ZNF385D: variants seen among roughly 807,000 people sequenced by gnomAD.
ZNF385D encodes the protein zinc finger protein 659.
ZNF385D carries 15 observed loss-of-function variants against 35.8 expected under a neutral mutation model. The ratio of observed to expected loss-of-function variants is 0.42; its 90% CI spans 0.28 to 0.64. The LOEUF (loss-of-function observed/expected upper bound fraction) is 0.64. Ranked by LOEUF, ZNF385D falls within the 30% of genes least tolerant of loss-of-function variation. The pLI is 0.23. For synonymous variants in ZNF385D, 212 were observed against 186.8 expected (o/e 1.13, Z -1.10); for missense variants, 474 against 494.6 (o/e 0.96, Z 0.39).
At chr3:22,200,112 C>T (rs960846218) in intron 2 of ZNF385D, among the ~76,000 whole-genome samples, 3 of 151,946 alleles carry the variant, frequency 2.0e-5, no homozygotes, top group Non-Finnish European at 4.4e-5. Context: ...GAATCCTTGC[C>T]CTAACCATTA....
At chr3:21,755,763 T>A (rs1379434758), upstream of ZNF385D, among the ~76,000 whole-genome samples, 1 of 152,210 alleles carries the variant, frequency 6.6e-6, no homozygotes, top group Non-Finnish European at 1.5e-5. Flanking sequence ...TCATTATTTA[T>A]CTATGAATTC....
chr3:22,193,251 C>G (rs529780913), intron 2 of ZNF385D, among the ~76,000 whole-genome samples: 68 of 152,168 alleles, frequency 4.5e-4, no homozygotes, highest in Admixed American at 1.4e-3. Flanking sequence ...CACAGTGTAG[C>G]CCTTAGTAAT....
chr3:21,878,549 CTTTTA>C (rs371194389), intron 3 of ZNF385D, among the ~76,000 whole-genome samples: 3,345 of 152,052 alleles, frequency 0.022, 122 homozygotes, highest in African/African-American at 0.075. Context: ...TATTTTTCAA[CTTTTA>C]TTTTAACAGC....
At chr3:21,452,209 C>G (rs1702501953) in intron 4 of ZNF385D, among the ~76,000 whole-genome samples, 1 of 152,020 alleles carries the variant, frequency 6.6e-6, no homozygotes, top group South Asian at 2.1e-4. Flanking sequence ...TGTTTACAAA[C>G]TAACTGTAAT....
chr3:22,113,726 T>A lies in ZNF385D; in HGVS notation c.325+55091A>T, dbSNP rs78029433. ...CAAAAAAGATACACAGATACAAATA[T>A]AAAAGAAAGCTCACTTTGGGAGGCC... On this transcript the variant is annotated intron_variant, in intron 3 of 5. Coordinates refer to the ZNF385D transcript ENST00000494108. 1.0e-3 allele frequency among the ~76,000 whole-genome samples: 156 copies of A among 152,002 alleles called. 4 individuals are homozygous for A. In the East Asian group the frequency reaches 0.024, roughly 23 times the overall value.
intron 2 of ZNF385D, among the ~76,000 whole-genome samples, chr3:22,318,698 G>T (rs921789871): frequency 2.0e-5 from 3 of 151,764 alleles, no homozygotes; most frequent in Non-Finnish European, 4.4e-5. Flanking sequence ...AAGACAAGAA[G>T]AAAAAGATCC....
At chr3:21,732,039 T>G (rs1485020464) in intron 1 of ZNF385D, among the ~76,000 whole-genome samples, 333 of 18,496 alleles carry the variant, frequency 0.018, 101 homozygotes, top group Non-Finnish European at 0.027. Flanking sequence ...GGTTTTTTTT[T>G]TTTTTTTTTT....
chr3:21,635,098 CAGAA>C (rs2065390187), intron 2 of ZNF385D, among the ~76,000 whole-genome samples: 1 of 151,980 alleles, frequency 6.6e-6, no homozygotes, highest in African/African-American at 2.4e-5. Context: ...AACAATATCA[CAGAA>C]AGAGAGATTT....
rs572601966 is a variant in ZNF385D at position 22,033,270 on chromosome 3, C to T, written c.325+135547G>A. 1.1e-4 allele frequency among the ~76,000 whole-genome samples: 16 copies of T among 151,796 alleles called. No individual in the cohort carries two copies. The South Asian group carries it at 1.9e-3, about 18-fold the overall frequency. On this transcript the variant is annotated intron_variant, in intron 3 of 5. Transcript: ENST00000494108. ...TACAAAAATCAGCCTGGCATGGTGGCGCGTGCCTGTCATCCCAGCTACTCT... is the reference window on the plus strand; with the variant it reads ...TACAAAAATCAGCCTGGCATGGTGGTGCGTGCCTGTCATCCCAGCTACTCT...
At chr3:22,359,881 AAGAG>A (rs775783533) in intron 2 of ZNF385D, among the ~76,000 whole-genome samples, 73 of 152,016 alleles carry the variant, frequency 4.8e-4, no homozygotes, top group Non-Finnish European at 8.7e-4. Flanking sequence ...CCTGTGTTAT[AAGAG>A]AGAATTAGAT....
At chr3:21,757,980 T>A (rs989173785) in intron 3 of ZNF385D, among the ~76,000 whole-genome samples, 1 of 152,234 alleles carries the variant, frequency 6.6e-6, no homozygotes, top group Non-Finnish European at 1.5e-5. Context: ...CTGTTCCTAC[T>A]GAGAATATAA....
intron 2 of ZNF385D, among the ~76,000 whole-genome samples, chr3:22,360,909 G>A (rs1413602474): frequency 6.6e-6 from 1 of 151,966 alleles, no homozygotes; most frequent in Non-Finnish European, 1.5e-5. Context: ...TATACAAATT[G>A]AGAACCTTCT....
chr3:22,308,941 T>C (rs1183538244), intron 2 of ZNF385D, among the ~76,000 whole-genome samples: 1 of 152,082 alleles, frequency 6.6e-6, no homozygotes, highest in East Asian at 1.9e-4. Context: ...ATTTAGGAAT[T>C]TTTTTCTAAC....
At chr3:21,778,601 T>C (rs1034373634) in intron 3 of ZNF385D, among the ~76,000 whole-genome samples, 1 of 151,954 alleles carries the variant, frequency 6.6e-6, no homozygotes, top group Non-Finnish European at 1.5e-5. Context: ...CACATATATA[T>C]ATACCTGTCT....
chr3:21,710,878 A>G (rs779654265), intron 1 of ZNF385D, among the ~76,000 whole-genome samples: 22 of 152,100 alleles, frequency 1.4e-4, no homozygotes, highest in South Asian at 4.1e-4. Flanking sequence ...AGTTCTTCTT[A>G]GAATTCAGCC....
At chr3:21,732,450 T>G (rs1036652056) in intron 1 of ZNF385D, among the ~76,000 whole-genome samples, 1 of 152,154 alleles carries the variant, frequency 6.6e-6, no homozygotes, top group East Asian at 1.9e-4. Flanking sequence ...AGTTTAGTTT[T>G]GTAAGAAACT....
At chr3:22,274,443 G>A (rs1701325853) in intron 2 of ZNF385D, among the ~76,000 whole-genome samples, 1 of 151,832 alleles carries the variant, frequency 6.6e-6, no homozygotes, top group Non-Finnish European at 1.5e-5. Context: ...AAGTTTAATA[G>A]AAACTACTTA....
intron 3 of ZNF385D, among the ~76,000 whole-genome samples, chr3:22,013,394 C>T (rs1204603896): frequency 6.6e-6 from 1 of 152,034 alleles, no homozygotes; most frequent in African/African-American, 2.4e-5. Context: ...CAAAGCCAAC[C>T]ATATTATGGC....
At chr3:22,240,127 G>T (rs1245120810) in intron 2 of ZNF385D, among the ~76,000 whole-genome samples, 1 of 140,564 alleles carries the variant, frequency 7.1e-6, no homozygotes, top group Non-Finnish European at 1.5e-5. Flanking sequence ...AGGCTGCAGT[G>T]AGCCATCATC....
Sources: gnomAD v4.1 joint callset for allele counts (sites outside exome capture counted in the v4.1 genomes callset) on GRCh38, gnomAD v4.1.1 for gene constraint, MANE v1.5 for transcripts, NCBI Gene and HGNC (gene_info 2026-07-23, HGNC 2026-07-21) for gene names.